Variants in TUBGCP3 observed in about 807,000 individuals in gnomAD.
TUBGCP3 encodes gamma-tubulin complex component 3.
Under a neutral mutation model 123.1 loss-of-function variants are expected in TUBGCP3, and 50 were observed. That is an observed-to-expected ratio of 0.41 (90% CI 0.32 to 0.51). The LOEUF is 0.51. Among genes scored for constraint, TUBGCP3 ranks in the 20% least tolerant of loss-of-function variants. The pLI, the probability that TUBGCP3 is intolerant of heterozygous loss-of-function variation, is 0.36. For synonymous variants in TUBGCP3, 405 were observed against 413.9 expected (o/e 0.98, Z 0.26); for missense variants, 882 against 1,127.0 (o/e 0.78, Z 3.11).
At chr13:112,574,839 G>A (rs1881686708) in intron 1 of TUBGCP3, among the ~76,000 whole-genome samples, 1 of 152,198 alleles carries the variant, frequency 6.6e-6, no homozygotes, top group African/African-American at 2.4e-5. Context: ...GCTGTTTACT[G>A]CACCAGCTGG....
intron 10 of TUBGCP3, 136 bp from the exon 11 acceptor site, chr13:112,546,001 T>G: frequency 4.3e-6 from 4 of 923,286 alleles, no homozygotes; most frequent in Non-Finnish European, 6.4e-6. Context: ...AATACCACTT[T>G]GGACCTAGAA....
chr13:112,582,768 G>T (rs530421455), intron 1 of TUBGCP3, among the ~76,000 whole-genome samples: 1 of 152,334 alleles, frequency 6.6e-6, no homozygotes, highest in South Asian at 2.1e-4. Context: ...TGCTCTGGGT[G>T]TGTGAGGGGT....
Position 112,524,505 on chromosome 13 carries a change from C to G in TUBGCP3, c.1556-1996G>C, listed in dbSNP as rs901022045. ...CTAGGAACTATGAAAGGTCACAACT[C>G]GAACACAACTGCTCTCCTGGTTCTT... On this transcript the variant is annotated intron_variant, in intron 13 of 21. Transcript: ENST00000261965. This position sits in a 1 kb window ranked among gnomAD's most constrained non-coding sequence, Gnocchi z 4.4. 5.9e-5 allele frequency among the ~76,000 whole-genome samples: 9 copies of G among 152,232 alleles called. No homozygotes were observed. The highest frequency in any genetic ancestry group is 3.9e-4 in the Admixed American group (6 of 15,288).
At chr13:112,531,466 G>A (rs558150550) in intron 11 of TUBGCP3, among the ~76,000 whole-genome samples, 13 of 152,286 alleles carry the variant, frequency 8.5e-5, no homozygotes, top group African/African-American at 2.9e-4. Context: ...AAGTCACCGC[G>A]CTCATGCTGG....
At chr13:112,526,206 TCAC>T (rs568812885) in intron 13 of TUBGCP3, among the ~76,000 whole-genome samples, 19 of 151,306 alleles carry the variant, frequency 1.3e-4, no homozygotes, top group Admixed American at 2.6e-4. Flanking sequence ...CACGCCATCA[TCAC>T]CACCATCATC....
chr13:112,502,360 G>C (rs2138993333), intron 19 of TUBGCP3, among the ~76,000 whole-genome samples: 1 of 152,288 alleles, frequency 6.6e-6, no homozygotes, highest in Middle Eastern at 3.4e-3. Context: ...TCTAGGAACA[G>C]AGAGCTATTT....
At chr13:112,534,791 A>G (rs1215216366) in intron 11 of TUBGCP3, among the ~76,000 whole-genome samples, 1 of 152,206 alleles carries the variant, frequency 6.6e-6, no homozygotes, top group African/African-American at 2.4e-5. Context: ...GGAAATTCAC[A>G]TAATATAAAA....
chr13:112,512,427 C>CAAAAAAAA (rs35550857), intron 17 of TUBGCP3, among the ~76,000 whole-genome samples: 3 of 39,478 alleles, frequency 7.6e-5, no homozygotes, highest in African/African-American at 2.8e-4. Context: ...GACTCTGTCT[C>CAAAAAAAA]AAAAAAAAAA....
chr13:112,485,798 T>C lies in TUBGCP3; in HGVS notation c.*195A>G. On this transcript the variant is annotated 3_prime_UTR_variant, in exon 22 of 22. Coordinates refer to ENST00000261965, the MANE Select transcript of TUBGCP3 (RefSeq NM_006322.6). ...CAGCCAGCCTACTTGACTTAGGGAT[T>C]TACAAATGCATTCGACTCCGACATG... 1 of 623,552 alleles carries C rather than the reference T, an allele frequency of 1.6e-6. No homozygotes were observed. The highest frequency in any genetic ancestry group is 2.8e-5 in the East Asian group (1 of 35,168). The allele number at this position is 623,552 out of a possible 1,614,324, so 38.6% of individuals were successfully genotyped here. A position where few individuals can be genotyped will look rare whatever the true frequency, so the allele number is the denominator to read the frequency against.
At chr13:112,555,962 G>A in intron 6 of TUBGCP3, 90 bp downstream of exon 6, 3 of 1,393,054 alleles carry the variant, frequency 2.2e-6, no homozygotes, top group Admixed American at 2.1e-5. Flanking sequence ...AAAGGTTTGA[G>A]GTGGGGCTCC....
chr13:112,558,232 C>T lies in TUBGCP3; in HGVS notation c.512G>A (p.Ser171Asn). 1 of 1,612,188 alleles carries T rather than the reference C, an allele frequency of 6.2e-7. No individual in the cohort carries two copies. The highest frequency in any genetic ancestry group is 8.5e-7 in the Non-Finnish European group (1 of 1,179,878). Reference sequence around the variant, plus strand: ...AGATTGTGGCGCAGGCGCGGGGCCACTGAGGGCACACAGGCCAATGCTGCT... The same window carrying T: ...AGATTGTGGCGCAGGCGCGGGGCCATTGAGGGCACACAGGCCAATGCTGCT... ...GISSIGLCALSGPAPAPQSLL... is the reference protein window; with the variant it reads ...GISSIGLCALNGPAPAPQSLL... Residue 171 changes from serine to asparagine, a missense_variant, in exon 5 of 22, where the codon AGT (serine) becomes AAT (asparagine). By Grantham distance (46) the Ser-to-Asn change is conservative (BLOSUM62 1). Coordinates refer to ENST00000261965, the MANE Select transcript of TUBGCP3 (RefSeq NM_006322.6).
At chr13:112,557,640 A>G (rs1463818670) in intron 5 of TUBGCP3, among the ~76,000 whole-genome samples, 1 of 152,254 alleles carries the variant, frequency 6.6e-6, no homozygotes, top group Non-Finnish European at 1.5e-5. Context: ...CTTGATTCTC[A>G]GCTGTAAATC....
intron 8 of TUBGCP3, among the ~76,000 whole-genome samples, chr13:112,549,238 G>GAAAACA (rs1879338382): frequency 6.7e-6 from 1 of 148,332 alleles, no homozygotes; most frequent in African/African-American, 2.5e-5. Context: ...CAGAAGGACA[G>GAAAACA]AAAACAAAAC....
intron 19 of TUBGCP3, among the ~76,000 whole-genome samples, chr13:112,502,328 G>A (rs951105191): frequency 1.3e-5 from 2 of 152,158 alleles, no homozygotes; most frequent in South Asian, 2.1e-4. Context: ...GAGACAGGCC[G>A]TGCTGGCCAA....
At position 112,525,843 on chromosome 13, in the gene TUBGCP3, A is replaced by G. The variant is rs181211672; in HGVS notation, c.1555+1099T>C. Among the ~76,000 whole-genome samples, 885 of 152,320 alleles carry G rather than the reference A, an allele frequency of 5.8e-3. 9 individuals carry two copies. Among genetic ancestry groups the G allele is most frequent in the African/African-American group, 0.02 (851 of 41,548 alleles). ...TTATTTCTTATTTTGGCACACTGCC[A>G]CTTTATCATTTTAAAACAGCTATAC... is the stretch of plus-strand genomic sequence containing the variant. On this transcript the variant is annotated intron_variant, in intron 13 of 21. Transcript: ENST00000261965.
chr13:112,527,181 G>A (rs760502710), intron 12 of TUBGCP3, 131 bp from the exon 13 acceptor site: 19 of 825,632 alleles, frequency 2.3e-5, no homozygotes, highest in Non-Finnish European at 3.4e-5. Context: ...AGTATGGAGC[G>A]AATTCTAGTA....
the TUBGCP3 span, among the ~76,000 whole-genome samples, chr13:112,594,891 A>T: frequency 6.6e-6 from 1 of 152,074 alleles, no homozygotes; most frequent in East Asian, 1.9e-4. Context: ...TTTGTTGTTG[A>T]TTTCTAGTGG....
At chr13:112,510,324 T>C (rs1881595404) in intron 17 of TUBGCP3, among the ~76,000 whole-genome samples, 1 of 152,158 alleles carries the variant, frequency 6.6e-6, no homozygotes, top group South Asian at 2.1e-4. Context: ...AAACATGATA[T>C]TTGTTTTTTT....
At position 112,554,063 on chromosome 13, in the gene TUBGCP3, G is replaced by C; in HGVS notation, c.960C>G (p.Val320=). 1 of 1,612,572 alleles carries C rather than the reference G, an allele frequency of 6.2e-7. No homozygotes were observed. The highest frequency in any genetic ancestry group is 1.1e-5 in the South Asian group (1 of 90,584). Residue 320 remains valine, a synonymous_variant, in exon 8 of 22, where the codon GTC becomes GTG. Coordinates refer to ENST00000261965, the MANE Select transcript of TUBGCP3 (RefSeq NM_006322.6). ...CTAGGAACCATGAACGCACCTGCCCGACGAGTCCGAATGAGCGGTCCAGGC... is the reference window on the plus strand; with the variant it reads ...CTAGGAACCATGAACGCACCTGCCCCACGAGTCCGAATGAGCGGTCCAGGC... ...QRSLDRSFGL[V]GQSFCAALHQ...
Sources: gnomAD v4.1 joint callset for allele counts (sites outside exome capture counted in the v4.1 genomes callset) on GRCh38, gnomAD v4.1.1 for gene constraint, Gnocchi (gnomAD v3.1) non-coding constraint, MANE v1.5 for transcripts, NCBI Gene and HGNC (gene_info 2026-07-23, HGNC 2026-07-21) for gene names.